Variants in DENND2A observed in about 807,000 individuals in gnomAD.
DENND2A encodes the protein DENN domain containing 2A.
DENND2A carries 53 observed loss-of-function variants against 105.3 expected under a neutral mutation model. The observed-to-expected ratio is 0.50, with a 90% CI of 0.40 to 0.63. The LOEUF is 0.63. DENND2A is among the 30% of genes least tolerant of loss of function. DENND2A has a pLI of 0.00. For missense variants in DENND2A, 1,138 were observed against 1,279.6 expected (o/e 0.89, Z 1.69); for synonymous variants, 522 against 508.4 (o/e 1.03, Z -0.36).
At chr7:140,561,023 AT>A (rs923509588) in intron 9 of DENND2A, among the ~76,000 whole-genome samples, 3 of 151,820 alleles carry the variant, frequency 2.0e-5, no homozygotes, top group Admixed American at 1.3e-4. Context: ...GAAATTTGTG[AT>A]TTTTTTTCTT....
intron 14 of DENND2A, among the ~76,000 whole-genome samples, chr7:140,541,503 C>T (rs529241855): frequency 6.6e-6 from 1 of 152,292 alleles, no homozygotes; most frequent in South Asian, 2.1e-4. Context: ...TTTTCCCCTC[C>T]CCCACATCCA....
Position 140,573,842 on chromosome 7 carries a change from G to A in DENND2A, c.1412C>T (p.Pro471Leu), listed in dbSNP as rs761212767. Residue 471 changes from proline (P) to leucine (L), a missense_variant, in exon 6 of 20, where the codon CCA becomes CTA. Around this residue, in one of 2 missense-constraint regions of DENND2A, gnomAD observed 627 missense variants for 779.8 expected, o/e 0.80. Coordinates refer to ENST00000496613, the MANE Select transcript of DENND2A (RefSeq NM_015689.5). Reference sequence around the variant, plus strand: ...CTTTCTCTTCTTCCTGCCGTTCTGTGGGTCTCCAAGGTTAAAGAAAATGTC... The same window carrying A: ...CTTTCTCTTCTTCCTGCCGTTCTGTAGGTCTCCAAGGTTAAAGAAAATGTC... Reference protein sequence around the residue: ...PDDIFFNLGDPQNGRKKRKIP... With the variant: ...PDDIFFNLGDLQNGRKKRKIP... 2 of 1,613,994 alleles carry A rather than the reference G, an allele frequency of 1.2e-6. No homozygotes were observed. The highest frequency in any genetic ancestry group is 1.7e-6 in the Non-Finnish European group (2 of 1,179,946).
At chr7:140,520,243 T>C (rs1270060419) in intron 18 of DENND2A, among the ~76,000 whole-genome samples, 2 of 151,442 alleles carry the variant, frequency 1.3e-5, no homozygotes, top group Non-Finnish European at 2.9e-5. Context: ...GAGGCGGAGG[T>C]TGCAGTGAGC....
intron 12 of DENND2A, among the ~76,000 whole-genome samples, chr7:140,554,503 G>A (rs1797279494): frequency 6.6e-6 from 1 of 152,046 alleles, no homozygotes; most frequent in African/African-American, 2.4e-5. Context: ...AGGCGTGGTG[G>A]CACGCGCCTG....
intron 1 of DENND2A, among the ~76,000 whole-genome samples, chr7:140,627,808 TAAGCCACC>T (rs747380237): frequency 3.9e-5 from 6 of 151,962 alleles, no homozygotes; most frequent in African/African-American, 7.2e-5. Flanking sequence ...ATTACAGCTG[TAAGCCACC>T]ATGCCCAGCA....
At chr7:140,588,901 T>C (rs1248735476) in intron 3 of DENND2A, among the ~76,000 whole-genome samples, 1 of 151,762 alleles carries the variant, frequency 6.6e-6, no homozygotes, top group Non-Finnish European at 1.5e-5. Context: ...TATCACCATG[T>C]CTGGCTAATT....
intron 9 of DENND2A, among the ~76,000 whole-genome samples, chr7:140,561,603 A>C (rs1797616342): frequency 6.8e-6 from 1 of 146,368 alleles, no homozygotes; most frequent in African/African-American, 2.5e-5. Flanking sequence ...TCATGGGTTC[A>C]AGTGATTCTC....
rs10274629 is a variant in DENND2A, at chr7:140,574,031, A to G, written c.1246-23T>C. On this transcript the variant is annotated intron_variant, in intron 5 of 19. Coordinates refer to ENST00000496613, the MANE Select transcript of DENND2A (RefSeq NM_015689.5). ...CTGCTGTGAAGGAAAAGGAGAAAAGAAGAGTAAATGAATTCAAAGGAGACT... is the reference window on the plus strand; with the variant it reads ...CTGCTGTGAAGGAAAAGGAGAAAAGGAGAGTAAATGAATTCAAAGGAGACT... 186 of 1,613,938 alleles carry G rather than the reference A, an allele frequency of 1.2e-4. 1 individual carries two copies. In the African/African-American group the frequency reaches 2.3e-3, roughly 20 times the overall value.
rs10547556 is a variant in DENND2A, at chr7:140,640,153, GCA to G, written c.-248+349_-248+350del. ...CACTCACACACAGACACACAAGCGC[GCA>G]CACACACACACGCGCGCGCGCGGAC... On this transcript the variant is annotated intron_variant, in intron 1 of 19. Transcript: ENST00000496613. This position sits in a 1 kb window ranked among gnomAD's most constrained non-coding sequence, Gnocchi z 4.9. 1,157 of 152,558 alleles carry G rather than the reference GCA, an allele frequency of 7.6e-3. 11 individuals carry two copies. The highest frequency in any genetic ancestry group is 0.025 in the African/African-American group (1,045 of 41,362). The allele number at this position is 152,558 out of a possible 1,614,324, so 9.5% of individuals were successfully genotyped here. A position where few individuals can be genotyped will look rare whatever the true frequency, so the allele number is the denominator to read the frequency against.
Position 140,518,707 on chromosome 7 carries a change from T to C in DENND2A, c.3030A>G (p.Ter1010=), listed in dbSNP as rs1353197709. The C allele has an allele frequency of 6.2e-7, 1 of 1,613,492 alleles. No individual in the cohort carries two copies. Among genetic ancestry groups the C allele is most frequent in the Admixed American group, 1.7e-5 (1 of 60,000 alleles). The part of the protein sequence containing the change: ...GNKMKFLHKK[*] ...GGAAGTTTTCCCTTGAGGCTGAGAG[T>C]TATTTCTTGTGGAGAAATTTCATTT... is the stretch of plus-strand genomic sequence containing the variant. The change falls in exon 20 of 20, where the codon TAA becomes TAG. Residue 1010 remains the stop codon, a stop_retained_variant. Coordinates refer to ENST00000496613, the MANE Select transcript of DENND2A (RefSeq NM_015689.5).
intron 5 of DENND2A, among the ~76,000 whole-genome samples, chr7:140,574,364 A>G (rs1798216465): frequency 6.6e-6 from 1 of 152,030 alleles, no homozygotes; most frequent in South Asian, 2.1e-4. Flanking sequence ...GACTGCAAGC[A>G]CACACTGCCA....
intron 3 of DENND2A, among the ~76,000 whole-genome samples, chr7:140,600,355 G>C (rs554544958): frequency 1.3e-5 from 2 of 152,196 alleles, no homozygotes; most frequent in East Asian, 3.9e-4. Context: ...AGATCATTTA[G>C]GGAGTGAGTG....
chr7:140,520,293 T>C (rs369409314), intron 18 of DENND2A, among the ~76,000 whole-genome samples: 1 of 145,566 alleles, frequency 6.9e-6, no homozygotes, highest in South Asian at 2.2e-4. Context: ...GCAACAAGAG[T>C]GAAACTCCGT....
intron 14 of DENND2A, among the ~76,000 whole-genome samples, chr7:140,533,591 G>T (rs758166525): frequency 8.5e-5 from 13 of 152,216 alleles, no homozygotes; most frequent in African/African-American, 1.4e-4. Context: ...AAACGTGACA[G>T]AAAGGAAGCC....
intron 3 of DENND2A, among the ~76,000 whole-genome samples, chr7:140,599,407 T>TAAAA (rs1253764378): frequency 3.0e-4 from 45 of 152,244 alleles, no homozygotes; most frequent in African/African-American, 9.4e-4. Context: ...GCCTGATTAA[T>TAAAA]TAAACAGAAT....
intron 5 of DENND2A, among the ~76,000 whole-genome samples, chr7:140,577,399 CT>C (rs60840763): frequency 0.027 from 3,849 of 141,854 alleles, 146 homozygotes; most frequent in African/African-American, 0.09. Context: ...AAAACTTTTT[CT>C]TTTTTTTTTT....
intron 1 of DENND2A, among the ~76,000 whole-genome samples, chr7:140,633,274 C>T (rs1263676688): frequency 1.3e-5 from 2 of 152,016 alleles, no homozygotes; most frequent in East Asian, 1.9e-4. Flanking sequence ...GTGATCCACC[C>T]GCCTCAGCTT....
intron 13 of DENND2A, 48 bp from the exon 14 acceptor site, chr7:140,544,814 C>T (rs1796828828): frequency 6.4e-7 from 1 of 1,550,402 alleles, no homozygotes; most frequent in Admixed American, 2.0e-5. Context: ...AGCTACGCAG[C>T]CAGGCCTCTC....
intron 3 of DENND2A, among the ~76,000 whole-genome samples, chr7:140,593,472 T>C (rs183715016): frequency 5.4e-4 from 83 of 152,362 alleles, no homozygotes; most frequent in African/African-American, 1.9e-3. Flanking sequence ...TGCCAAACAC[T>C]GTGATTCTGA....
Sources: allele counts gnomAD v4.1 joint callset (sites outside exome capture counted in the v4.1 genomes callset), GRCh38; gene constraint gnomAD v4.1.1; regional missense constraint gnomAD v4.1.1; non-coding constraint Gnocchi (gnomAD v3.1); transcripts MANE v1.5; gene names NCBI Gene and HGNC (gene_info 2026-07-23, HGNC 2026-07-21).